Variants in NARS2 observed in about 807,000 individuals in gnomAD.
The protein encoded by NARS2 is asparaginyl-tRNA synthetase 2, mitochondrial.
In NARS2, 60 loss-of-function variants were observed where a neutral mutation model predicts 62.9. That is an observed-to-expected ratio of 0.95 (90% CI 0.77 to 1.18). NARS2 has a LOEUF of 1.18. NARS2 is among the 50% of genes most tolerant of loss of function. The pLI is 0.00. For synonymous variants in NARS2, 196 were observed against 200.0 expected (o/e 0.98, Z 0.17); for missense variants, 619 against 576.4 (o/e 1.07, Z -0.76).
chr11:78,520,985 G>C (rs1861094879), intron 6 of NARS2, among the ~76,000 whole-genome samples: 1 of 150,294 alleles, frequency 6.7e-6, no homozygotes, highest in Non-Finnish European at 1.5e-5. Context: ...TTGAACCCGA[G>C]ACGCAGGGGT....
chr11:78,454,346 C>T (rs928063818), intron 11 of NARS2, among the ~76,000 whole-genome samples: 2 of 152,148 alleles, frequency 1.3e-5, no homozygotes, highest in Non-Finnish European at 2.9e-5. Flanking sequence ...TGGGGGTGGC[C>T]TCCTCATGAA....
chr11:78,551,569 G>C (rs1590852881), intron 5 of NARS2, among the ~76,000 whole-genome samples: 1 of 151,850 alleles, frequency 6.6e-6, no homozygotes, highest in Non-Finnish European at 1.5e-5. Flanking sequence ...CCCTGCTCCA[G>C]GCTGGGCGCG....
chr11:78,550,339 C>T (rs1052259248), intron 5 of NARS2, among the ~76,000 whole-genome samples: 20 of 152,350 alleles, frequency 1.3e-4, no homozygotes, highest in African/African-American at 4.6e-4. Context: ...AGGAAAGTAA[C>T]TTTAAAGTGA....
intron 11 of NARS2, among the ~76,000 whole-genome samples, chr11:78,452,827 C>T (rs972168142): frequency 2.6e-5 from 4 of 152,102 alleles, no homozygotes; most frequent in African/African-American, 4.8e-5. Flanking sequence ...CAGCCATAAA[C>T]TTGAATTTTT....
intron 5 of NARS2, among the ~76,000 whole-genome samples, chr11:78,557,826 ATATATC>A (rs1856414145): frequency 6.8e-6 from 1 of 146,860 alleles, no homozygotes; most frequent in Non-Finnish European, 1.5e-5. Flanking sequence ...TATTATATAT[ATATATC>A]TCTCTTATAT....
intron 9 of NARS2, among the ~76,000 whole-genome samples, chr11:78,471,234 A>G (rs990477809): frequency 2.6e-5 from 4 of 152,208 alleles, no homozygotes; most frequent in Non-Finnish European, 4.4e-5. Context: ...GAGGATCAAT[A>G]ACTTTCCAAA....
chr11:78,570,660 C>T (rs963019168), intron 2 of NARS2, among the ~76,000 whole-genome samples: 1 of 152,198 alleles, frequency 6.6e-6, no homozygotes, highest in African/African-American at 2.4e-5. Context: ...GGACTACAGG[C>T]GTGAGCCACC....
At chr11:78,483,374 G>A (rs1156381498) in intron 7 of NARS2, among the ~76,000 whole-genome samples, 3 of 152,112 alleles carry the variant, frequency 2.0e-5, no homozygotes, top group Non-Finnish European at 4.4e-5. Flanking sequence ...ACATAGTGTT[G>A]GAAGTTCTCG....
At position 78,566,159 on chromosome 11, in the gene NARS2, C is replaced by T. The variant is rs778617275; in HGVS notation, c.486G>A (p.Ala162=). The change falls in exon 4 of 14, where the codon GCG becomes GCA. Residue 162 remains alanine (A), a synonymous_variant. Coordinates refer to ENST00000281038, the MANE Select transcript of NARS2 (RefSeq NM_024678.6). The stretch of plus-strand genomic sequence containing the variant: ...TAAAGAAAGAATGAATAGCAGCTGT[C>T]GCTTCACTGCGAATCCTCAATATAG... The part of the protein sequence containing the change: ...LGSILRIRSE[A]TAAIHSFFKD... The T allele has an allele frequency of 5.6e-6, 9 of 1,610,102 alleles. No homozygotes were observed. The East Asian group carries it at 1.1e-4, about 20-fold the overall frequency.
intron 2 of NARS2, 106 bp from the exon 3 acceptor site, chr11:78,568,858 T>G: frequency 1.4e-5 from 12 of 849,578 alleles, no homozygotes; most frequent in Non-Finnish European, 2.0e-5. Flanking sequence ...CAAAAGCTTT[T>G]ACCCTTATTG....
intron 5 of NARS2, among the ~76,000 whole-genome samples, chr11:78,536,702 G>C: frequency 6.6e-6 from 1 of 152,162 alleles, no homozygotes; most frequent in East Asian, 1.9e-4. Context: ...AGATAATCTA[G>C]TATTAATAAT....
chr11:78,444,746 G>A, intron 11 of NARS2, among the ~76,000 whole-genome samples: 1 of 130,988 alleles, frequency 7.6e-6, no homozygotes, highest in Non-Finnish European at 1.6e-5. Flanking sequence ...AAAAAAGGGT[G>A]ATAAGAAAAT....
chr11:78,450,194 T>C (rs1276705333), intron 11 of NARS2, among the ~76,000 whole-genome samples: 1 of 152,220 alleles, frequency 6.6e-6, no homozygotes, highest in Non-Finnish European at 1.5e-5. Context: ...ACGTGGACTC[T>C]TAAACTTCCA....
At chr11:78,460,689 C>A (rs1858359716) in intron 11 of NARS2, among the ~76,000 whole-genome samples, 1 of 152,076 alleles carries the variant, frequency 6.6e-6, no homozygotes, top group South Asian at 2.1e-4. Context: ...GAAAGAAGAT[C>A]AAATTTGCTG....
intron 10 of NARS2, among the ~76,000 whole-genome samples, chr11:78,467,554 TAAATA>T (rs1858672576): frequency 6.7e-6 from 1 of 150,350 alleles, no homozygotes; most frequent in Admixed American, 6.6e-5. Context: ...AATAAATAAA[TAAATA>T]AATAAATAAA....
chr11:78,519,423 T>TA (rs1861029123), intron 6 of NARS2, among the ~76,000 whole-genome samples: 1 of 152,158 alleles, frequency 6.6e-6, no homozygotes, highest in African/African-American at 2.4e-5. Context: ...TCTGAAAAAA[T>TA]AAACTTGAGG....
chr11:78,507,592 T>A (rs1238798511), intron 6 of NARS2, among the ~76,000 whole-genome samples: 1 of 151,200 alleles, frequency 6.6e-6, no homozygotes, highest in Non-Finnish European at 1.5e-5. Context: ...CAATCTCTGC[T>A]CACTGCAAAC....
intron 5 of NARS2, among the ~76,000 whole-genome samples, chr11:78,535,230 T>C (rs922717555): frequency 5.9e-5 from 9 of 152,216 alleles, no homozygotes; most frequent in Non-Finnish European, 1.3e-4. Flanking sequence ...AATCTCTGCA[T>C]AGTAATGCTG....
At chr11:78,547,831 G>A (rs1347812850) in intron 5 of NARS2, among the ~76,000 whole-genome samples, 3 of 152,166 alleles carry the variant, frequency 2.0e-5, no homozygotes, top group African/African-American at 4.8e-5. Context: ...AGGTAGTGTG[G>A]AGGACACAGG....
Sources: gnomAD v4.1 joint callset for allele counts (sites outside exome capture counted in the v4.1 genomes callset) on GRCh38, gnomAD v4.1.1 for gene constraint, MANE v1.5 for transcripts, NCBI Gene and HGNC (gene_info 2026-07-23, HGNC 2026-07-21) for gene names.